KIF26B: variants seen among roughly 807,000 people sequenced by gnomAD.
KIF26B encodes kinesin family member 26B, also known as kinesin-like protein KIF26B.
Under a neutral mutation model 151.2 loss-of-function variants are expected in KIF26B, and 63 were observed. That is an observed-to-expected ratio of 0.42 (90% CI 0.34 to 0.51). The LOEUF (loss-of-function observed/expected upper bound fraction) is 0.51, where lower values mean the gene tolerates loss of function less well. Ranked by LOEUF, KIF26B falls within the 20% of genes least tolerant of loss-of-function variation. The probability of loss-of-function intolerance (pLI) is 0.07; values close to 1 mark genes in which losing one functional copy is unlikely to be tolerated. For missense variants in KIF26B, 2,813 were observed against 2,913.6 expected (o/e 0.97, Z 0.79); for synonymous variants, 1,357 against 1,262.1 (o/e 1.08, Z -1.59).
chr1:245,409,003 A>G (rs1674208460), intron 3 of KIF26B, among the ~76,000 whole-genome samples: 2 of 152,168 alleles, frequency 1.3e-5, no homozygotes, highest in African/African-American at 4.8e-5. Flanking sequence ...CACCTGTTTC[A>G]CATCCTCAAA....
At chr1:245,520,461 G>C (rs966403768) in intron 4 of KIF26B, among the ~76,000 whole-genome samples, 1 of 152,068 alleles carries the variant, frequency 6.6e-6, no homozygotes, top group African/African-American at 2.4e-5. Flanking sequence ...AATATTTTAC[G>C]TGTTGTCATC....
intron 4 of KIF26B, among the ~76,000 whole-genome samples, chr1:245,483,365 G>A (rs1399618960): frequency 6.6e-6 from 1 of 151,768 alleles, no homozygotes; most frequent in Non-Finnish European, 1.5e-5. Flanking sequence ...AGAGCTGTCC[G>A]AGGTCACCCA....
intron 2 of KIF26B, among the ~76,000 whole-genome samples, chr1:245,198,885 C>T (rs568929838): frequency 3.8e-4 from 15 of 38,984 alleles, no homozygotes; most frequent in South Asian, 1.7e-3. Flanking sequence ...TAATGTAGAC[C>T]GGGGGGTCAG....
Position 245,687,769 on chromosome 1 carries a change from C to A in KIF26B, c.4786C>A (p.Pro1596Thr). ...TGTTCTGGCTCGGCCCAAAGGGACT[C>A]CCCCTCTGCCCCCTGTCCGAAAGTC... ...HCVLARPKGT[P>T]PLPPVRKSSL... is the part of the protein sequence containing the mutation. The change falls in exon 12 of 15, where the codon CCC becomes ACC. Residue 1596 changes from proline (P) to threonine (T), a missense_variant. Transcript: ENST00000407071. The surrounding 1 kb of genome is among the most constrained non-coding windows in gnomAD (Gnocchi z 4.9). 3 of 1,580,464 alleles carry A rather than the reference C, an allele frequency of 1.9e-6. No homozygotes were observed. Among genetic ancestry groups the A allele is most frequent in the African/African-American group, 1.4e-5 (1 of 73,866 alleles).
Position 245,475,526 on chromosome 1 carries a change from G to A in KIF26B, c.1166+55781G>A, listed in dbSNP as rs917370448. ...TGCACCAGTGCATTCCAGCCTGGGC[G>A]ACAGAGCCAGACTCCATCTCTTACA... On this transcript the variant is annotated intron_variant, in intron 4 of 14. Transcript: ENST00000407071. Among the ~76,000 whole-genome samples, 4 of 151,958 alleles carry A rather than the reference G, an allele frequency of 2.6e-5. 1 individual carries two copies. Among genetic ancestry groups the A allele is most frequent in the Middle Eastern group, 3.4e-3 (1 of 294 alleles).
rs879620996 is a variant in KIF26B at position 245,475,474 on chromosome 1, GA to G, written c.1166+55737del. On this transcript the variant is annotated intron_variant, in intron 4 of 14. Coordinates refer to ENST00000407071, the MANE Select transcript of KIF26B (RefSeq NM_018012.4). ...GGTCAGAAGGTCATTGGATAGGCGG[GA>G]AAAAAAATCATTGCAAGGTTATGAT... 1.8e-4 allele frequency among the ~76,000 whole-genome samples: 27 copies of G among 151,408 alleles called. 1 individual carries two copies. Among genetic ancestry groups the G allele is most frequent in the Non-Finnish European group, 3.0e-4 (20 of 67,706 alleles).
At chr1:245,651,752 G>A (rs1558252584) in intron 10 of KIF26B, among the ~76,000 whole-genome samples, 1 of 152,166 alleles carries the variant, frequency 6.6e-6, no homozygotes, top group South Asian at 2.1e-4. Flanking sequence ...TGAACTGTGT[G>A]TGCGAGGGAT....
chr1:245,455,779 C>T (rs965424057), intron 4 of KIF26B, among the ~76,000 whole-genome samples: 29 of 152,262 alleles, frequency 1.9e-4, no homozygotes, highest in African/African-American at 6.7e-4. Context: ...CTGCCAGCAC[C>T]CCTGAGGCCA....
At chr1:245,567,094 T>G (rs1222034096) in intron 5 of KIF26B, among the ~76,000 whole-genome samples, 1 of 152,170 alleles carries the variant, frequency 6.6e-6, no homozygotes, top group Non-Finnish European at 1.5e-5. Flanking sequence ...GGGTCAGAAG[T>G]AGCAACTGGT....
intron 2 of KIF26B, among the ~76,000 whole-genome samples, chr1:245,203,500 A>C (rs1407776245): frequency 6.6e-6 from 1 of 152,212 alleles, no homozygotes; most frequent in Non-Finnish European, 1.5e-5. Context: ...GCATATGCCC[A>C]AACAGCATAG....
chr1:245,214,266 C>G (rs1038037088), intron 2 of KIF26B: 1 of 151,674 alleles, frequency 6.6e-6, no homozygotes, highest in Non-Finnish European at 1.5e-5. Context: ...AATCCCAGCT[C>G]CCTGGGAGGT....
intron 2 of KIF26B, among the ~76,000 whole-genome samples, chr1:245,355,222 G>A (rs2103002732): frequency 6.6e-6 from 1 of 152,234 alleles, no homozygotes; most frequent in South Asian, 2.1e-4. Flanking sequence ...ACTGCGCCCG[G>A]CCAGTGATTC....
chr1:245,688,552 C>T lies in KIF26B; in HGVS notation c.5569C>T (p.Pro1857Ser). The T allele has an allele frequency of 6.5e-7, 1 of 1,545,246 alleles. No homozygotes were observed. The highest frequency in any genetic ancestry group is 8.7e-7 in the Non-Finnish European group (1 of 1,147,954). The change falls in exon 12 of 15, where the codon CCG becomes TCG. Residue 1857 changes from proline to serine, a missense_variant. This residue lies in a region of KIF26B where 2,060 missense variants were observed against 2,088.6 expected (regional missense o/e 0.99). Coordinates refer to ENST00000407071, the MANE Select transcript of KIF26B (RefSeq NM_018012.4). ...LPSPYSKITP[P>S]RRPHRCSSGH... ...GTCGCCCTACAGCAAGATCACGCCC[C>T]CGCGGAGGCCCCACCGCTGCAGCAG...
At chr1:245,301,186 C>G (rs115528694) in intron 2 of KIF26B, among the ~76,000 whole-genome samples, 1 of 152,198 alleles carries the variant, frequency 6.6e-6, no homozygotes, top group East Asian at 1.9e-4. Flanking sequence ...CATGGCTCTA[C>G]TGTGGTTTCC....
At chr1:245,213,798 C>A (rs1669591133) in intron 2 of KIF26B, among the ~76,000 whole-genome samples, 1 of 152,178 alleles carries the variant, frequency 6.6e-6, no homozygotes, top group Non-Finnish European at 1.5e-5. Flanking sequence ...ACTTTAAGTT[C>A]CACTTGACGC....
At chr1:245,234,576 G>C (rs1670067768) in intron 2 of KIF26B, 1 of 152,564 alleles carries the variant, frequency 6.6e-6, no homozygotes, top group African/African-American at 2.4e-5. Flanking sequence ...TGAGACAGCA[G>C]TGTTTCCTGG....
chr1:245,270,259 CTTCCT>C lies in KIF26B; in HGVS notation c.466-96570_466-96566del, dbSNP rs1246905204. 2.3e-4 allele frequency among the ~76,000 whole-genome samples: 26 copies of C among 114,928 alleles called. 10 individuals carry two copies. Among genetic ancestry groups the C allele is most frequent in the South Asian group, 5.1e-4 (2 of 3,892 alleles). The allele number at this position is 114,928 out of a possible 152,430, so 75.4% of individuals were successfully genotyped here. On this transcript the variant is annotated intron_variant, in intron 2 of 14. Coordinates refer to ENST00000407071, the MANE Select transcript of KIF26B (RefSeq NM_018012.4). ...CCTTTCCTTTCTTCTTCCCTTCCTT[CTTCCT>C]TTCCCTTCCTTTCCTTCTTTCCTTC...
chr1:245,572,777 A>G lies in KIF26B; in HGVS notation c.1351-29800A>G, dbSNP rs1283303459. On this transcript the variant is annotated intron_variant, in intron 5 of 14. Transcript: ENST00000407071. This position sits in a 1 kb window ranked among gnomAD's most constrained non-coding sequence, Gnocchi z 4.2. Reference sequence around the variant, plus strand: ...TGTTCGCTTCATTTAGCATGACCCTATGAAATGCCTGTGTGACCAAAAGCA... The same window carrying G: ...TGTTCGCTTCATTTAGCATGACCCTGTGAAATGCCTGTGTGACCAAAAGCA... 6.6e-6 allele frequency among the ~76,000 whole-genome samples: 1 copy of G among 152,096 alleles called. No homozygotes were observed. Among genetic ancestry groups the G allele is most frequent in the Non-Finnish European group, 1.5e-5 (1 of 68,036 alleles).
chr1:245,553,605 G>A (rs1380172664), intron 5 of KIF26B, among the ~76,000 whole-genome samples: 1 of 152,172 alleles, frequency 6.6e-6, no homozygotes, highest in African/African-American at 2.4e-5. Context: ...GCACACCGAT[G>A]AAAGTACATT....
Sources: gnomAD v4.1 joint callset for allele counts (sites outside exome capture counted in the v4.1 genomes callset) on GRCh38, gnomAD v4.1.1 for gene constraint, gnomAD v4.1.1 regional missense constraint, Gnocchi (gnomAD v3.1) non-coding constraint, MANE v1.5 for transcripts, NCBI Gene and HGNC (gene_info 2026-07-23, HGNC 2026-07-21) for gene names.